Variants in AGPAT2 observed in about 807,000 individuals in gnomAD.
AGPAT2 encodes the protein 1-acylglycerol-3-phosphate O-acyltransferase 2.
Under a neutral mutation model 26.1 loss-of-function variants are expected in AGPAT2, and 18 were observed. The ratio of observed to expected loss-of-function variants is 0.69; its 90% CI spans 0.48 to 1.02. The LOEUF is 1.02. Ranked by LOEUF, AGPAT2 falls within the 50% of genes least tolerant of loss-of-function variation. The pLI, the probability that AGPAT2 is intolerant of heterozygous loss-of-function variation, is 0.00. For missense variants in AGPAT2, 415 were observed against 394.9 expected (o/e 1.05, Z -0.43); for synonymous variants, 200 against 174.2 (o/e 1.15, Z -1.16).
rs758156274 is a variant in AGPAT2 at position 136,677,013 on chromosome 9, C to A, written c.440G>T (p.Ser147Ile). 3 of 1,580,614 alleles carry A rather than the reference C, an allele frequency of 1.9e-6. No individual in the cohort carries two copies. Among genetic ancestry groups the A allele is most frequent in the Non-Finnish European group, 2.6e-6 (3 of 1,160,976 alleles). The change falls in exon 3 of 6, where the codon AGC (serine) becomes ATC (isoleucine). Residue 147 changes from serine (S) to isoleucine (I), a missense_variant. Coordinates refer to ENST00000371696, the MANE Select transcript of AGPAT2 (RefSeq NM_006412.4). ...GTCGGCCATCACTGTCATGGCAGTG[C>A]TAGAGCGCTGCCGGTTGATGAAGAA... ...GVFFINRQRS[S>I]TAMTVMADLG...
chr9:136,676,471 G>C (rs570150080), intron 4 of AGPAT2, 114 bp downstream of exon 4: 1 of 805,720 alleles, frequency 1.2e-6, no homozygotes, highest in Admixed American at 2.0e-5. Context: ...AGTGGGAGGA[G>C]TCCCTTGTGT....
intron 4 of AGPAT2, among the ~76,000 whole-genome samples, chr9:136,675,141 T>C (rs749941448): frequency 1.1e-4 from 16 of 152,244 alleles, no homozygotes; most frequent in Non-Finnish European, 2.1e-4. Context: ...GAGGAGATTA[T>C]GGCACTCTTC....
chr9:136,680,610 C>T (rs2119192469), intron 1 of AGPAT2, among the ~76,000 whole-genome samples: 1 of 152,190 alleles, frequency 6.6e-6, no homozygotes, highest in South Asian at 2.1e-4. Context: ...CACATGGGGT[C>T]CCCCGTAATA....
intron 4 of AGPAT2, among the ~76,000 whole-genome samples, chr9:136,675,347 C>G (rs146506787): frequency 0.011 from 1,149 of 104,048 alleles, 69 homozygotes; most frequent in Middle Eastern, 0.034. Flanking sequence ...TGGGGACTGG[C>G]AGCAGGAAGG....
At chr9:136,679,660 T>C (rs2119190765) in intron 1 of AGPAT2, among the ~76,000 whole-genome samples, 1 of 152,240 alleles carries the variant, frequency 6.6e-6, no homozygotes, top group East Asian at 1.9e-4. Context: ...CACAGAACTG[T>C]CTGGTGCTAG....
intron 1 of AGPAT2, among the ~76,000 whole-genome samples, chr9:136,682,896 G>A (rs1846178991): frequency 6.6e-6 from 1 of 152,168 alleles, no homozygotes; most frequent in African/African-American, 2.4e-5. Flanking sequence ...ACGGGGATTT[G>A]GATCCCATTT....
Position 136,677,489 on chromosome 9 carries a change from G to T in AGPAT2, c.250C>A (p.Arg84Ser). The change falls in exon 2 of 6, where the codon CGC becomes AGC. Residue 84 changes from arginine to serine, a missense_variant. Transcript: ENST00000371696. ...CAGGGACGGGCCTCCTGCAGCCTGC[G>T]CGGGTCCCGCACCTCGAAGCGGAGC... is the stretch of plus-strand genomic sequence containing the variant. ...YGLRFEVRDP[R>S]RLQEARPCVI... The T allele has an allele frequency of 6.2e-7, 1 of 1,613,090 alleles. No homozygotes were observed.
intron 1 of AGPAT2, among the ~76,000 whole-genome samples, chr9:136,684,045 A>G (rs1211478515): frequency 6.6e-6 from 1 of 152,208 alleles, no homozygotes; most frequent in East Asian, 1.9e-4. Context: ...CCCGGCCTCC[A>G]GATACCAGCA....
chr9:136,683,217 C>CA (rs1363937422), intron 1 of AGPAT2, among the ~76,000 whole-genome samples: 1 of 151,306 alleles, frequency 6.6e-6, no homozygotes, highest in Admixed American at 6.6e-5. Context: ...GACCTTGTCT[C>CA]AAAAAATAAA....
At chr9:136,680,535 T>C (rs1369431775) in intron 1 of AGPAT2, among the ~76,000 whole-genome samples, 3 of 152,008 alleles carry the variant, frequency 2.0e-5, no homozygotes, top group Non-Finnish European at 2.9e-5. Flanking sequence ...CCAGCTAGTT[T>C]CTTAGTGTTA....
rs1408191506 is a variant in AGPAT2, at chr9:136,674,985, G to A, written c.589-178C>T. Among the ~76,000 whole-genome samples, 5 of 152,170 alleles carry A rather than the reference G, an allele frequency of 3.3e-5. No individual in the cohort carries two copies. The East Asian group carries it at 9.6e-4, about 29-fold the overall frequency. ...TGGGATATGTGTCCTGCTCTGGTTGGCCCAGAGTTCCATAAGCTCATCCTG... is the reference window on the plus strand; with the variant it reads ...TGGGATATGTGTCCTGCTCTGGTTGACCCAGAGTTCCATAAGCTCATCCTG... On this transcript the variant is annotated intron_variant, in intron 4 of 5. Transcript: ENST00000371696.
chr9:136,685,573 C>T (rs914623716), intron 1 of AGPAT2, among the ~76,000 whole-genome samples: 1 of 152,194 alleles, frequency 6.6e-6, no homozygotes. Context: ...AAGTCAGGTG[C>T]CCCATCATTT....
chr9:136,687,126 G>A (rs756917007), intron 1 of AGPAT2, 50 bp downstream of exon 1: 1 of 1,541,202 alleles, frequency 6.5e-7, no homozygotes. Flanking sequence ...TTAGGGAAGC[G>A]GAAGCGGCGC....
At chr9:136,680,214 A>G (rs1458391973) in intron 1 of AGPAT2, among the ~76,000 whole-genome samples, 1 of 152,158 alleles carries the variant, frequency 6.6e-6, no homozygotes, top group Non-Finnish European at 1.5e-5. Flanking sequence ...GACATTGGCC[A>G]GTTCCATCTT....
In AGPAT2 at chr9:136,676,992, G is replaced by A. The variant is rs150530734; in HGVS notation, c.461C>T (p.Ala154Val). Reference protein sequence around the residue: ...QRSSTAMTVMADLGERMVREN... With the variant: ...QRSSTAMTVMVDLGERMVREN... ...CCTGACCATGCGCTCGCCCAGGTCG[G>A]CCATCACTGTCATGGCAGTGCTAGA... The change falls in exon 3 of 6, where the codon GCC becomes GTC. Residue 154 changes from alanine to valine, a missense_variant. Physicochemically the swap from Ala to Val is moderately conservative, Grantham distance 64 (BLOSUM62 0). Transcript: ENST00000371696. The A allele has an allele frequency of 6.2e-7, 1 of 1,612,368 alleles. No individual in the cohort carries two copies. Among genetic ancestry groups the A allele is most frequent in the Non-Finnish European group, 8.5e-7 (1 of 1,179,768 alleles).
Position 136,673,820 on chromosome 9 carries a change from G to T in AGPAT2, c.769C>A (p.Leu257Ile). The part of the protein sequence containing the change: ...TCHRAMRTTF[L>I]HISKTPQENG... ...TCCTGGGGGGTCTTGGAGATGTGGA[G>T]GAAGGTGGTCCTCATGGCCCGGTGG... is the stretch of plus-strand genomic sequence containing the variant. Residue 257 changes from leucine (L) to isoleucine (I), a missense_variant, in exon 6 of 6, where the codon CTC (leucine) becomes ATC (isoleucine). Leu to Ile is a conservative substitution (Grantham distance 5). Coordinates refer to ENST00000371696, the MANE Select transcript of AGPAT2 (RefSeq NM_006412.4). 6.2e-7 allele frequency: 1 copy of T among 1,607,048 alleles called. No individual in the cohort carries two copies. The highest frequency in any genetic ancestry group is 1.1e-5 in the South Asian group (1 of 89,906).
intron 1 of AGPAT2, among the ~76,000 whole-genome samples, chr9:136,681,523 A>G (rs985158539): frequency 3.9e-5 from 6 of 152,240 alleles, no homozygotes; most frequent in African/African-American, 1.4e-4. Context: ...CGGTTCCTGG[A>G]TGGGCGGGTG....
chr9:136,676,849 G>T, intron 3 of AGPAT2, 112 bp downstream of exon 3: 1 of 1,364,508 alleles, frequency 7.3e-7, no homozygotes, highest in Non-Finnish European at 1.0e-6. Context: ...TGCGGAGCAT[G>T]GATGATGTGG....
In AGPAT2 at chr9:136,677,061, A is replaced by G; in HGVS notation, c.392T>C (p.Leu131Pro). 6.2e-7 allele frequency: 1 copy of G among 1,613,084 alleles called. No homozygotes were observed. Among genetic ancestry groups the G allele is most frequent in the South Asian group, 1.1e-5 (1 of 91,074 alleles). ...RELLFLGPVG[L>P]IMYLGGVFFI... ...GAAGACGCCCCCGAGGTACATGATG[A>G]GGCCCACGGGCCCCAGGAAGAGCAG... is the stretch of plus-strand genomic sequence containing the variant. The change falls in exon 3 of 6, where the codon CTC becomes CCC. Residue 131 changes from leucine (L) to proline (P), a missense_variant. Leu to Pro is a moderately conservative substitution (Grantham distance 98). Transcript: ENST00000371696.
Sources: gnomAD v4.1 joint callset for allele counts (sites outside exome capture counted in the v4.1 genomes callset) on GRCh38, gnomAD v4.1.1 for gene constraint, MANE v1.5 for transcripts, NCBI Gene and HGNC (gene_info 2026-07-23, HGNC 2026-07-21) for gene names.